The following GPM6A variants were observed in gnomAD, a reference collection of about 807,000 sequenced individuals.
GPM6A encodes the protein neuronal membrane glycoprotein M6-a.
In GPM6A, 7 loss-of-function variants were observed where a neutral mutation model predicts 32.1. That is an observed-to-expected ratio of 0.22 (90% CI 0.12 to 0.41). The LOEUF is 0.41. Among genes scored for constraint, GPM6A ranks in the 10% least tolerant of loss-of-function variants. The pLI is 1.00. For synonymous variants in GPM6A, 130 were observed against 123.4 expected, an observed-to-expected ratio of 1.05 and a Z score of -0.35; for missense variants, 235 against 347.2, an observed-to-expected ratio of 0.68 and a Z score of 2.57.
intron 1 of GPM6A, among the ~76,000 whole-genome samples, chr4:175,730,559 C>T (rs7656261): frequency 0.085 from 12,853 of 151,800 alleles, 826 homozygotes; most frequent in East Asian, 0.29. Flanking sequence ...CAAGCTCCGC[C>T]TCCCGGGTTC....
In GPM6A at chr4:175,635,019, A is replaced by G. The variant is rs767626287; in HGVS notation, c.723T>C (p.Tyr241=). Residue 241 remains tyrosine, a synonymous_variant, in exon 7 of 7, where the codon TAT becomes TAC. Coordinates refer to ENST00000393658, the MANE Select transcript of GPM6A (RefSeq NM_201591.3). ...YLMVLSANWA[Y]VKDACRMQKY... is the part of the protein sequence containing the mutation. ...TCTGCATCCGGCAGGCGTCTTTCAC[A>G]TAGGCCCAGTTGGCAGACAGAACCA... is the stretch of plus-strand genomic sequence containing the variant. 3 of 1,613,722 alleles carry G rather than the reference A, an allele frequency of 1.9e-6. No homozygotes were observed. The highest frequency in any genetic ancestry group is 2.2e-5 in the East Asian group (1 of 44,870).
chr4:175,933,988 T>C (rs1166247307), intron 1 of GPM6A, among the ~76,000 whole-genome samples: 1 of 152,236 alleles, frequency 6.6e-6, no homozygotes, highest in African/African-American at 2.4e-5. Flanking sequence ...GAATAACATG[T>C]ATGAATTTCA....
chr4:175,657,524 C>A (rs940201432), intron 3 of GPM6A, among the ~76,000 whole-genome samples: 3 of 152,090 alleles, frequency 2.0e-5, no homozygotes, highest in Non-Finnish European at 4.4e-5. Flanking sequence ...TGATCTTCAA[C>A]TTTAGACTCT....
chr4:175,719,925 A>G (rs1208143389), intron 1 of GPM6A, among the ~76,000 whole-genome samples: 1 of 152,226 alleles, frequency 6.6e-6, no homozygotes, highest in Non-Finnish European at 1.5e-5. Flanking sequence ...AAAGTCCCTC[A>G]TAAATCTTTT....
intron 1 of GPM6A, among the ~76,000 whole-genome samples, chr4:175,907,936 A>G (rs1329693292): frequency 6.6e-6 from 1 of 152,156 alleles, no homozygotes; most frequent in Non-Finnish European, 1.5e-5. Context: ...GGCCTCAGCC[A>G]TAAACCTACG....
chr4:175,992,798 A>C (rs1347720772), intron 1 of GPM6A, among the ~76,000 whole-genome samples: 1 of 152,202 alleles, frequency 6.6e-6, no homozygotes, highest in East Asian at 1.9e-4. Context: ...TTCAGAACAG[A>C]TGCATTAACA....
intron 1 of GPM6A, among the ~76,000 whole-genome samples, chr4:175,753,593 T>C (rs935192448): frequency 1.4e-4 from 21 of 152,162 alleles, no homozygotes; most frequent in Non-Finnish European, 2.4e-4. Context: ...CTCCCTTCAC[T>C]ACATGGGAAA....
chr4:175,934,546 C>T (rs1270392856), intron 1 of GPM6A, among the ~76,000 whole-genome samples: 2 of 152,162 alleles, frequency 1.3e-5, no homozygotes, highest in South Asian at 2.1e-4. Context: ...CTATAATTTT[C>T]GAGTGATAAT....
chr4:175,913,080 G>C (rs936510505), intron 1 of GPM6A, among the ~76,000 whole-genome samples: 1 of 152,146 alleles, frequency 6.6e-6, no homozygotes, highest in Admixed American at 6.6e-5. Context: ...TCTTCTGCAT[G>C]AGTAAGATTA....
chr4:175,737,336 G>A (rs1033575674), intron 1 of GPM6A, among the ~76,000 whole-genome samples: 3 of 151,624 alleles, frequency 2.0e-5, no homozygotes, highest in African/African-American at 2.4e-5. Flanking sequence ...CTGCACGCCC[G>A]TAATCCTGCA....
rs1043258333 is a variant in GPM6A at position 175,904,351 on chromosome 4, A to G, written c.-22-92102T>C. Among the ~76,000 whole-genome samples the G allele has an allele frequency of 2.0e-5, 3 of 152,196 alleles. No homozygotes were observed. In the East Asian group the frequency reaches 5.8e-4, roughly 29 times the overall value. On this transcript the variant is annotated intron_variant, in intron 1 of 7. Coordinates refer to the GPM6A transcript ENST00000280187. ...TTTCAGTAAAGTGTCAAGCATTCTT[A>G]GACTTGAGCTAACATAAAAGATATT...
Position 175,790,763 on chromosome 4 carries a change from A to G in GPM6A, c.37+21428T>C, listed in dbSNP as rs79469312. Among the ~76,000 whole-genome samples the G allele has an allele frequency of 6.5e-3, 993 of 152,350 alleles. 7 individuals carry two copies. The highest frequency in any genetic ancestry group is 0.022 in the African/African-American group (911 of 41,592). On this transcript the variant is annotated intron_variant, in intron 1 of 6. Coordinates refer to ENST00000393658, the MANE Select transcript of GPM6A (RefSeq NM_201591.3). ...TTGAAAACCAAGAACGGCAAATGCC[A>G]TGAATTAAAGGACTTTGCAACATGA...
At chr4:175,820,465 G>A (rs1489586179) in intron 1 of GPM6A, among the ~76,000 whole-genome samples, 1 of 147,162 alleles carries the variant, frequency 6.8e-6, no homozygotes, top group Non-Finnish European at 1.5e-5. Flanking sequence ...ACCATAGTTA[G>A]TATTGTTTTG....
chr4:175,705,743 A>C (rs1472443284), intron 1 of GPM6A, among the ~76,000 whole-genome samples: 1 of 152,208 alleles, frequency 6.6e-6, no homozygotes, highest in African/African-American at 2.4e-5. Context: ...ACTGAACTGC[A>C]AATGAAAAGC....
At chr4:175,981,954 T>A (rs1740832446) in intron 1 of GPM6A, among the ~76,000 whole-genome samples, 3 of 152,118 alleles carry the variant, frequency 2.0e-5, no homozygotes, top group Non-Finnish European at 4.4e-5. Flanking sequence ...AAAAAACTAT[T>A]CCCATAGGTG....
chr4:175,900,578 C>T (rs1737932514), intron 1 of GPM6A, among the ~76,000 whole-genome samples: 1 of 151,528 alleles, frequency 6.6e-6, no homozygotes, highest in East Asian at 1.9e-4. Flanking sequence ...GAGATATCAT[C>T]TCACCCCAGT....
At chr4:175,905,493 C>T (rs1738101436) in intron 1 of GPM6A, among the ~76,000 whole-genome samples, 1 of 151,916 alleles carries the variant, frequency 6.6e-6, no homozygotes, top group Non-Finnish European at 1.5e-5. Flanking sequence ...GATTGGACAC[C>T]CCTGGAGATC....
Position 175,695,064 on chromosome 4 carries a change from G to C in GPM6A, c.230+6511C>G, listed in dbSNP as rs1334267046. On this transcript the variant is annotated intron_variant, in intron 2 of 6. Transcript: ENST00000393658. ...CTTTCCTTGTAGTGTTAAGCCTGCA[G>C]GGGAGCAGAGGGCAAGAGTTGAGGT... Among the ~76,000 whole-genome samples the C allele has an allele frequency of 2.0e-5, 3 of 152,164 alleles. No homozygotes were observed. The East Asian group carries it at 5.8e-4, about 29-fold the overall frequency.
chr4:175,731,939 C>T (rs955341560), intron 1 of GPM6A, among the ~76,000 whole-genome samples: 3 of 150,236 alleles, frequency 2.0e-5, no homozygotes, highest in Non-Finnish European at 3.0e-5. Context: ...GTAGGGAACA[C>T]GACTTCCTCT....
Sources: allele counts gnomAD v4.1 joint callset (sites outside exome capture counted in the v4.1 genomes callset), GRCh38; gene constraint gnomAD v4.1.1; transcripts MANE v1.5; gene names NCBI Gene and HGNC (gene_info 2026-07-23, HGNC 2026-07-21).